The following GALNT17 variants were observed in gnomAD, a reference collection of about 807,000 sequenced individuals.
GALNT17 encodes the protein polypeptide N-acetylgalactosaminyltransferase 17.
GALNT17 carries 29 observed loss-of-function variants against 63.7 expected under a neutral mutation model. That is an observed-to-expected ratio of 0.46 (90% CI 0.34 to 0.62). The LOEUF (loss-of-function observed/expected upper bound fraction) is 0.62. Ranked by LOEUF, GALNT17 falls within the 20% of genes least tolerant of loss-of-function variation. The probability of loss-of-function intolerance (pLI) is 0.01; values close to 1 mark genes in which losing one functional copy is unlikely to be tolerated. For synonymous variants in GALNT17, 305 were observed against 318.3 expected, an observed-to-expected ratio of 0.96 and a Z score of 0.45; for missense variants, 603 against 799.6, an observed-to-expected ratio of 0.75 and a Z score of 2.97.
intron 6 of GALNT17, among the ~76,000 whole-genome samples, chr7:71,628,397 A>G: frequency 6.6e-6 from 1 of 152,040 alleles, no homozygotes; most frequent in South Asian, 2.1e-4. Flanking sequence ...ATCTTGGCTC[A>G]CTGCACCCTT....
At chr7:71,242,884 A>T (rs1475671212) in intron 1 of GALNT17, among the ~76,000 whole-genome samples, 1 of 152,188 alleles carries the variant, frequency 6.6e-6, no homozygotes, top group Non-Finnish European at 1.5e-5. Context: ...AAGACACTCA[A>T]TGTTCATTGC....
intron 5 of GALNT17, among the ~76,000 whole-genome samples, chr7:71,527,233 T>C (rs1249706831): frequency 6.6e-6 from 1 of 152,248 alleles, no homozygotes; most frequent in East Asian, 1.9e-4. Context: ...GGTCTACAGA[T>C]AGTTCAGCAT....
intron 6 of GALNT17, among the ~76,000 whole-genome samples, chr7:71,590,561 G>C (rs1231318361): frequency 6.6e-6 from 1 of 152,140 alleles, no homozygotes; most frequent in East Asian, 1.9e-4. Context: ...TGGGTTTCTG[G>C]GGCAAGGCCC....
intron 6 of GALNT17, among the ~76,000 whole-genome samples, chr7:71,661,252 G>A (rs776429211): frequency 7.2e-5 from 11 of 152,140 alleles, no homozygotes; most frequent in Non-Finnish European, 1.0e-4. Flanking sequence ...GTGGTCGGGG[G>A]TGTGGTTCTG....
At position 71,540,093 on chromosome 7, in the gene GALNT17, C is replaced by CTTTTTTTTTTTT. The variant is rs71089954; in HGVS notation, c.963-31168_963-31157dup. ...ACAGTTGTGAGCCACTGTGCCTGGC[C>CTTTTTTTTTTTT]TTTTTTTTTTTTTTTTTTTTTTTTT... On this transcript the variant is annotated intron_variant, in intron 5 of 10. Coordinates refer to ENST00000333538, the MANE Select transcript of GALNT17 (RefSeq NM_022479.3). Among the ~76,000 whole-genome samples the CTTTTTTTTTTTT allele has an allele frequency of 4.8e-4, 16 of 33,548 alleles. 6 individuals carry two copies. The highest frequency in any genetic ancestry group is 6.7e-4 in the Non-Finnish European group (12 of 18,024). The allele number at this position is 33,548 out of a possible 152,430, so 22.0% of individuals were successfully genotyped here. A position where few individuals can be genotyped will look rare whatever the true frequency, so the allele number is the denominator to read the frequency against.
At chr7:71,602,520 A>G (rs1789980816) in intron 6 of GALNT17, among the ~76,000 whole-genome samples, 1 of 152,210 alleles carries the variant, frequency 6.6e-6, no homozygotes, top group South Asian at 2.1e-4. Context: ...GAATGGAATT[A>G]TGATAATTGA....
intron 1 of GALNT17, among the ~76,000 whole-genome samples, chr7:71,268,375 C>T (rs1435690826): frequency 7.9e-5 from 10 of 125,920 alleles, no homozygotes; most frequent in Admixed American, 2.8e-4. Context: ...AACCCCGTGT[C>T]TACAAAAAAT....
intron 5 of GALNT17, among the ~76,000 whole-genome samples, chr7:71,464,650 C>T (rs4521648): frequency 0.11 from 16,691 of 152,046 alleles, 1,734 homozygotes; most frequent in East Asian, 0.54. Context: ...AGAAAGGGCA[C>T]GGGTTTGAAT....
chr7:71,200,581 A>G (rs955234808), intron 1 of GALNT17, among the ~76,000 whole-genome samples: 7 of 152,152 alleles, frequency 4.6e-5, no homozygotes, highest in African/African-American at 1.7e-4. Flanking sequence ...AAATACCTGA[A>G]TTATTTTCAT....
intron 1 of GALNT17, among the ~76,000 whole-genome samples, chr7:71,222,316 A>G (rs1432701933): frequency 6.6e-6 from 1 of 151,964 alleles, no homozygotes; most frequent in East Asian, 1.9e-4. Flanking sequence ...AGTCACTTCT[A>G]ATCTGAGCCT....
At chr7:71,602,323 AG>A (rs1165244100) in intron 6 of GALNT17, among the ~76,000 whole-genome samples, 1 of 152,140 alleles carries the variant, frequency 6.6e-6, no homozygotes, top group Admixed American at 6.5e-5. Context: ...GTGCTGAGGA[AG>A]GGCTTTAGAT....
chr7:71,288,711 C>G (rs979293570), intron 1 of GALNT17, among the ~76,000 whole-genome samples: 1 of 152,026 alleles, frequency 6.6e-6, no homozygotes, highest in South Asian at 2.1e-4. Flanking sequence ...TGCTTTGATG[C>G]GTGTGTTCAT....
intron 1 of GALNT17, among the ~76,000 whole-genome samples, chr7:71,140,163 G>A (rs1035467641): frequency 6.6e-6 from 1 of 152,168 alleles, no homozygotes; most frequent in Non-Finnish European, 1.5e-5. Flanking sequence ...AGGAGCGAAG[G>A]GAGAGGGCAC....
chr7:71,613,834 C>T (rs1790160552), intron 6 of GALNT17, among the ~76,000 whole-genome samples: 1 of 147,158 alleles, frequency 6.8e-6, no homozygotes, highest in African/African-American at 2.5e-5. Flanking sequence ...CATGGTGATG[C>T]ACACCTGTAG....
chr7:71,316,351 G>T (rs1001800293), intron 1 of GALNT17, among the ~76,000 whole-genome samples: 13 of 152,050 alleles, frequency 8.5e-5, no homozygotes, highest in African/African-American at 2.9e-4. Flanking sequence ...AGCTGAACAA[G>T]GTGGGGTGCG....
At chr7:71,234,493 A>G (rs1303304588) in intron 1 of GALNT17, among the ~76,000 whole-genome samples, 1 of 152,168 alleles carries the variant, frequency 6.6e-6, no homozygotes, top group East Asian at 1.9e-4. Flanking sequence ...TGAACTGCTG[A>G]GCTCAGGTGA....
chr7:71,557,611 G>T (rs1480427526), intron 5 of GALNT17, among the ~76,000 whole-genome samples: 1 of 152,088 alleles, frequency 6.6e-6, no homozygotes, highest in Non-Finnish European at 1.5e-5. Context: ...TGGCCAACAT[G>T]ATGAAACCCT....
chr7:71,238,923 G>A (rs1789943881), intron 1 of GALNT17, among the ~76,000 whole-genome samples: 2 of 152,144 alleles, frequency 1.3e-5, no homozygotes, highest in South Asian at 4.1e-4. Context: ...CACTCACCTG[G>A]GAGAACTCAG....
chr7:71,253,506 C>T (rs1790237428), intron 1 of GALNT17, among the ~76,000 whole-genome samples: 2 of 151,476 alleles, frequency 1.3e-5, no homozygotes, highest in African/African-American at 4.9e-5. Context: ...AACCATATTA[C>T]CTACTCTTCC....
Sources: gnomAD v4.1 joint callset for allele counts (sites outside exome capture counted in the v4.1 genomes callset) on GRCh38, gnomAD v4.1.1 for gene constraint, MANE v1.5 for transcripts, NCBI Gene and HGNC (gene_info 2026-07-23, HGNC 2026-07-21) for gene names.